The following EPHB1 variants were observed in gnomAD, a reference collection of about 807,000 sequenced individuals.
EPHB1 encodes EPH receptor B1.
Under a neutral mutation model 94.4 loss-of-function variants are expected in EPHB1, and 30 were observed. That is an observed-to-expected ratio of 0.32 (90% CI 0.24 to 0.43). The LOEUF (loss-of-function observed/expected upper bound fraction) is 0.43, where lower values mean the gene tolerates loss of function less well. EPHB1 is among the 20% of genes least tolerant of loss of function. The probability of loss-of-function intolerance (pLI) is 1.00; values close to 1 mark genes in which losing one functional copy is unlikely to be tolerated. For synonymous variants in EPHB1, 522 were observed against 489.1 expected (o/e 1.07, Z -0.89); for missense variants, 1,055 against 1,308.3 (o/e 0.81, Z 2.99).
At chr3:134,841,389 C>T (rs2036774528) in intron 1 of EPHB1, 1 of 152,244 alleles carries the variant, frequency 6.6e-6, no homozygotes, top group Admixed American at 6.5e-5. Context: ...AGGCTTATGT[C>T]CTGTCACTCT....
At chr3:135,134,419 A>G (rs1023068248) in intron 5 of EPHB1, among the ~76,000 whole-genome samples, 1 of 152,138 alleles carries the variant, frequency 6.6e-6, no homozygotes, top group African/African-American at 2.4e-5. Flanking sequence ...AGCTGTCAGA[A>G]CTGAGAAGAA....
At chr3:134,975,300 G>A (rs1934140948) in intron 3 of EPHB1, among the ~76,000 whole-genome samples, 1 of 152,178 alleles carries the variant, frequency 6.6e-6, no homozygotes, top group South Asian at 2.1e-4. Flanking sequence ...GCCTGAGTTT[G>A]GTGGCAGAGA....
At chr3:135,089,446 T>A (rs1297779204) in intron 3 of EPHB1, among the ~76,000 whole-genome samples, 1 of 152,244 alleles carries the variant, frequency 6.6e-6, no homozygotes, top group Non-Finnish European at 1.5e-5. Context: ...ATAAAACAAT[T>A]GTTATTAATA....
chr3:134,988,132 T>C (rs1252053649), intron 3 of EPHB1, among the ~76,000 whole-genome samples: 1 of 152,140 alleles, frequency 6.6e-6, no homozygotes, highest in African/African-American at 2.4e-5. Flanking sequence ...AGGCCTTATG[T>C]TGAGATGGGA....
chr3:134,979,819 C>G (rs1350897219), intron 3 of EPHB1, among the ~76,000 whole-genome samples: 1 of 151,490 alleles, frequency 6.6e-6, no homozygotes, highest in African/African-American at 2.4e-5. Context: ...AAAATGGAAA[C>G]AAGAGTGCTT....
chr3:135,254,352 G>T (rs1279466466), intron 15 of EPHB1, among the ~76,000 whole-genome samples: 3 of 77,422 alleles, frequency 3.9e-5, no homozygotes, highest in African/African-American at 1.3e-4. Context: ...CTGTGGGTTT[G>T]TCATAGATAG....
At chr3:135,200,405 A>G (rs1435183508) in intron 11 of EPHB1, among the ~76,000 whole-genome samples, 1 of 144,440 alleles carries the variant, frequency 6.9e-6, no homozygotes, top group African/African-American at 2.5e-5. Context: ...TCACTAGGAG[A>G]GTTCCCTGTG....
intron 9 of EPHB1, among the ~76,000 whole-genome samples, 181 bp downstream of exon 9, chr3:135,167,187 G>C (rs1297117588): frequency 1.3e-5 from 2 of 152,162 alleles, no homozygotes; most frequent in African/African-American, 4.8e-5. Flanking sequence ...CCTCCCATCT[G>C]CCGTCTACCT....
chr3:134,834,992 T>C (rs2036646766), intron 1 of EPHB1, among the ~76,000 whole-genome samples: 1 of 152,210 alleles, frequency 6.6e-6, no homozygotes, highest in Non-Finnish European at 1.5e-5. Flanking sequence ...CAAATGCTAC[T>C]TCCTCAGTCA....
chr3:134,869,442 A>G (rs2037450255), intron 1 of EPHB1, among the ~76,000 whole-genome samples: 1 of 152,102 alleles, frequency 6.6e-6, no homozygotes, highest in Non-Finnish European at 1.5e-5. Context: ...TAATAGCAAC[A>G]GTTTTTTTCA....
intron 4 of EPHB1, among the ~76,000 whole-genome samples, chr3:135,123,618 A>T (rs1441910315): frequency 1.3e-5 from 2 of 152,100 alleles, no homozygotes; most frequent in African/African-American, 2.4e-5. Flanking sequence ...ATGCATACCC[A>T]TGTAGCAAAT....
intron 4 of EPHB1, among the ~76,000 whole-genome samples, chr3:135,115,039 C>T (rs992254811): frequency 1.8e-4 from 27 of 152,210 alleles, no homozygotes; most frequent in African/African-American, 6.0e-4. Context: ...AGAATGTTGA[C>T]TGGCCTGACT....
intron 1 of EPHB1, among the ~76,000 whole-genome samples, chr3:134,891,109 T>G (rs1156232784): frequency 6.6e-6 from 1 of 152,190 alleles, no homozygotes; most frequent in Non-Finnish European, 1.5e-5. Context: ...TTAATCTTGT[T>G]CTTATATTTT....
chr3:134,883,040 T>G (rs1254145817), intron 1 of EPHB1, among the ~76,000 whole-genome samples: 2 of 152,088 alleles, frequency 1.3e-5, no homozygotes, highest in Non-Finnish European at 2.9e-5. Flanking sequence ...GCCAGGATGG[T>G]CTCGATCTCC....
chr3:135,041,878 C>T (rs971202761), intron 3 of EPHB1, among the ~76,000 whole-genome samples: 1 of 149,010 alleles, frequency 6.7e-6, no homozygotes, highest in Non-Finnish European at 1.5e-5. Context: ...AGGGCACCTG[C>T]ACACATGAGA....
intron 3 of EPHB1, among the ~76,000 whole-genome samples, chr3:135,041,882 C>T (rs1936856991): frequency 1.3e-5 from 2 of 148,320 alleles, no homozygotes; most frequent in African/African-American, 2.6e-5. Flanking sequence ...CACCTGCACA[C>T]ATGAGAGAGA....
At chr3:134,810,688 T>A (rs907919573) in intron 1 of EPHB1, among the ~76,000 whole-genome samples, 1 of 152,218 alleles carries the variant, frequency 6.6e-6, no homozygotes, top group Non-Finnish European at 1.5e-5. Context: ...TTAGAAGTTG[T>A]CTTCATTACT....
rs2107715439 is a variant in EPHB1, at chr3:134,951,488, G to C, written c.241G>C (p.Gly81Arg). 6.2e-7 allele frequency: 1 copy of C among 1,612,874 alleles called. No homozygotes were observed. The highest frequency in any genetic ancestry group is 1.1e-5 in the South Asian group (1 of 90,972). ...WLLTTFINRRGAHRIYTEMRF... is the reference protein window; with the variant it reads ...WLLTTFINRRRAHRIYTEMRF... ...GCTCACCACCTTCATCAACCGGCGG[G>C]GGGCCCATCGCATCTACACAGAGAT... The change falls in exon 3 of 16, where the codon GGG (glycine) becomes CGG (arginine). Residue 81 changes from glycine to arginine, a missense_variant. Transcript: ENST00000398015. The surrounding 1 kb of genome is among the most constrained non-coding windows in gnomAD (Gnocchi z 4.5).
intron 1 of EPHB1, among the ~76,000 whole-genome samples, chr3:134,893,242 T>C (rs938177885): frequency 1.3e-5 from 2 of 152,174 alleles, no homozygotes; most frequent in African/African-American, 4.8e-5. Flanking sequence ...TGTTTGTTTG[T>C]TTGCATCTGG....
Sources: gnomAD v4.1 joint callset for allele counts (sites outside exome capture counted in the v4.1 genomes callset) on GRCh38, gnomAD v4.1.1 for gene constraint, Gnocchi (gnomAD v3.1) non-coding constraint, MANE v1.5 for transcripts, NCBI Gene and HGNC (gene_info 2026-07-23, HGNC 2026-07-21) for gene names.